The following GABRB3 variants were observed in gnomAD, a reference collection of about 807,000 sequenced individuals.
The protein encoded by GABRB3 is gamma-aminobutyric acid receptor subunit beta-3.
Under a neutral mutation model 52.1 loss-of-function variants are expected in GABRB3, and 14 were observed. The ratio of observed to expected loss-of-function variants is 0.27; its 90% CI spans 0.18 to 0.42. GABRB3 has a LOEUF of 0.42. Ranked by LOEUF, GABRB3 falls within the 10% of genes least tolerant of loss-of-function variation. The pLI is 1.00. For synonymous variants in GABRB3, 260 were observed against 232.3 expected, an observed-to-expected ratio of 1.12 and a Z score of -1.08; for missense variants, 307 against 609.1, an observed-to-expected ratio of 0.50 and a Z score of 5.22.
chr15:26,701,241 T>C (rs564361609), intron 3 of GABRB3, among the ~76,000 whole-genome samples: 1 of 151,928 alleles, frequency 6.6e-6, no homozygotes, highest in Non-Finnish European at 1.5e-5. Context: ...ACTTGAGAGA[T>C]CCAGCCAGTG....
At chr15:26,773,255 G>A (rs541676814), upstream of GABRB3, among the ~76,000 whole-genome samples, 1,472 of 150,184 alleles carry the variant, frequency 9.8e-3, 10 homozygotes, top group Non-Finnish European at 0.015. Context: ...CCGAGGCCGG[G>A]GCCCTGGGCG....
chr15:26,569,224 A>C (rs1360892825), intron 6 of GABRB3: 2 of 152,146 alleles, frequency 1.3e-5, no homozygotes, highest in Non-Finnish European at 2.9e-5. Context: ...CAGGAGATGA[A>C]CGATTTTATG....
At chr15:26,558,203 T>G (rs1042377441) in intron 8 of GABRB3, among the ~76,000 whole-genome samples, 2 of 152,212 alleles carry the variant, frequency 1.3e-5, no homozygotes, top group African/African-American at 4.8e-5. Context: ...CTAAGTATAT[T>G]TTCCACTAAG....
At chr15:26,746,033 C>A (rs1410784615) in intron 3 of GABRB3, among the ~76,000 whole-genome samples, 1 of 152,186 alleles carries the variant, frequency 6.6e-6, no homozygotes, top group Non-Finnish European at 1.5e-5. Flanking sequence ...AACTTATTTT[C>A]CAGAGTGGCT....
At chr15:26,710,511 C>T (rs557905010) in intron 3 of GABRB3, among the ~76,000 whole-genome samples, 1 of 152,230 alleles carries the variant, frequency 6.6e-6, no homozygotes, top group South Asian at 2.1e-4. Flanking sequence ...ATCCTCCCAC[C>T]TTGGCCTCCC....
intron 3 of GABRB3, among the ~76,000 whole-genome samples, chr15:26,688,188 C>A (rs145834283): frequency 0.046 from 6,981 of 152,246 alleles, 196 homozygotes; most frequent in Non-Finnish European, 0.069. Flanking sequence ...TTTTCTCCCT[C>A]CAAGTCCTGG....
At chr15:26,589,777 G>A (rs1196782345) in intron 4 of GABRB3, among the ~76,000 whole-genome samples, 2 of 152,108 alleles carry the variant, frequency 1.3e-5, no homozygotes, top group Admixed American at 6.6e-5. Context: ...TACCTAGAAC[G>A]GCAGCAACCC....
chr15:26,598,550 T>G (rs562979293), intron 4 of GABRB3, among the ~76,000 whole-genome samples: 6 of 151,940 alleles, frequency 3.9e-5, no homozygotes, highest in Non-Finnish European at 8.8e-5. Flanking sequence ...ATTAGAAGAG[T>G]AAAAAGAAAG....
At chr15:26,577,462 G>A (rs564294111) in intron 6 of GABRB3, among the ~76,000 whole-genome samples, 2 of 152,214 alleles carry the variant, frequency 1.3e-5, no homozygotes, top group African/African-American at 2.4e-5. Context: ...GCTGTGAGAG[G>A]AAATCGTGCC....
intron 3 of GABRB3, among the ~76,000 whole-genome samples, chr15:26,756,453 G>C (rs913574194): frequency 6.6e-6 from 1 of 151,486 alleles, no homozygotes; most frequent in African/African-American, 2.4e-5. Flanking sequence ...TGGTGCACAC[G>C]TGTAGTCCCA....
At chr15:26,554,043 A>ATATATATT (rs1487375439) in intron 8 of GABRB3, among the ~76,000 whole-genome samples, 4 of 108,154 alleles carry the variant, frequency 3.7e-5, no homozygotes, top group African/African-American at 1.5e-4. Context: ...ATATTTATTT[A>ATATATATT]TTTATATTTA....
intron 4 of GABRB3, among the ~76,000 whole-genome samples, chr15:26,600,500 CAT>C: frequency 6.6e-6 from 1 of 152,140 alleles, no homozygotes; most frequent in Admixed American, 6.5e-5. Flanking sequence ...AAACATATCG[CAT>C]ATAAGAGGTG....
chr15:26,717,589 A>C (rs1889529792), intron 3 of GABRB3, among the ~76,000 whole-genome samples: 1 of 152,124 alleles, frequency 6.6e-6, no homozygotes, highest in Non-Finnish European at 1.5e-5. Flanking sequence ...CAGAACTGGA[A>C]CTCCACATTT....
rs541289061 is a variant in GABRB3, at chr15:26,700,721, G to A, written c.240+71681C>T. ...AAAATTGGTTGATCCCAATAGACAT[G>A]GGAAAAACATTTGACGAAAGTCAGC... On this transcript the variant is annotated intron_variant, in intron 3 of 8. Coordinates refer to ENST00000311550, the MANE Select transcript of GABRB3 (RefSeq NM_000814.6). Among the ~76,000 whole-genome samples, 99 of 152,286 alleles carry A rather than the reference G, an allele frequency of 6.5e-4. 2 individuals carry two copies. Among genetic ancestry groups the A allele is most frequent in the Non-Finnish European group, 5.7e-4 (39 of 68,026 alleles).
At chr15:26,633,963 C>G (rs1892975774) in intron 3 of GABRB3, among the ~76,000 whole-genome samples, 1 of 152,224 alleles carries the variant, frequency 6.6e-6, no homozygotes. Context: ...GGCGTTTTCT[C>G]TAACTCGCTC....
At chr15:26,686,864 A>G (rs888993632) in intron 3 of GABRB3, among the ~76,000 whole-genome samples, 2 of 152,258 alleles carry the variant, frequency 1.3e-5, no homozygotes, top group East Asian at 1.9e-4. Context: ...AGCTCTACCT[A>G]GAGTGTGATG....
In GABRB3 at chr15:26,546,083, A is replaced by G. The variant is rs1369797329; in HGVS notation, c.*1710T>C. ...TACATCGAGACAACTGGGGCCTACC[A>G]TTGGAGCACTCTGGTCCTTGGTTTT... On this transcript the variant is annotated 3_prime_UTR_variant, in exon 9 of 9. Transcript: ENST00000311550. 1 of 152,604 alleles carries G rather than the reference A, an allele frequency of 6.6e-6. No individual in the cohort carries two copies. The highest frequency in any genetic ancestry group is 2.4e-5 in the African/African-American group (1 of 41,412). The allele number at this position is 152,604 out of a possible 1,614,324, so 9.5% of individuals were successfully genotyped here.
chr15:26,732,770 C>T (rs1419111082), intron 3 of GABRB3, among the ~76,000 whole-genome samples: 4 of 152,156 alleles, frequency 2.6e-5, no homozygotes, highest in East Asian at 1.9e-4. Flanking sequence ...GCAGGTGGAT[C>T]GCGAGGTCAG....
chr15:26,576,975 A>T (rs1247700666), intron 6 of GABRB3, among the ~76,000 whole-genome samples: 1 of 152,250 alleles, frequency 6.6e-6, no homozygotes, highest in Non-Finnish European at 1.5e-5. Flanking sequence ...AAGCAAGCAT[A>T]GATCCTCTCT....
Sources: allele counts gnomAD v4.1 joint callset (sites outside exome capture counted in the v4.1 genomes callset), GRCh38; gene constraint gnomAD v4.1.1; transcripts MANE v1.5; gene names NCBI Gene and HGNC (gene_info 2026-07-23, HGNC 2026-07-21).